Variants in APC observed in about 807,000 individuals in gnomAD.
APC encodes the protein APC regulator of Wnt signaling pathway, also known as adenomatous polyposis coli protein.
In APC, 72 loss-of-function variants were observed where a neutral mutation model predicts 247.0. The observed-to-expected ratio is 0.29, with a 90% confidence interval of 0.24 to 0.35. The LOEUF (loss-of-function observed/expected upper bound fraction) is 0.35, where lower values mean the gene tolerates loss of function less well. Among genes scored for constraint, APC ranks in the 10% least tolerant of loss-of-function variants. The pLI is 1.00. For synonymous variants in APC, 1,254 were observed against 1,162.5 expected, an observed-to-expected ratio of 1.08 and a Z score of -1.60; for missense variants, 3,400 against 3,360.7, an observed-to-expected ratio of 1.01 and a Z score of -0.29.
intron 1 of APC, among the ~76,000 whole-genome samples, chr5:112,740,327 G>C (rs1318402365): frequency 6.6e-6 from 1 of 152,026 alleles, no homozygotes; most frequent in Non-Finnish European, 1.5e-5. Flanking sequence ...AAGAAATAAA[G>C]AACTAAAGTT....
In APC at chr5:112,740,514, GT is replaced by G. The variant is rs753887168; in HGVS notation, c.-19+2598del. On this transcript the variant is annotated intron_variant, in intron 1 of 15. Coordinates refer to ENST00000257430, the MANE Select transcript of APC (RefSeq NM_000038.6). ...AGCTATTGAAGTTTTTGTTTTTTGT[GT>G]TTTTTTTTCTTTTTTTTTTTTTTTT... Among the ~76,000 whole-genome samples, 11 of 122,214 alleles carry G rather than the reference GT, an allele frequency of 9.0e-5. No individual in the cohort carries two copies. In the East Asian group the frequency reaches 1.2e-3, roughly 14 times the overall value. The allele number at this position is 122,214 out of a possible 152,430, so 80.2% of individuals were successfully genotyped here. A position where few individuals can be genotyped will look rare whatever the true frequency, so the allele number is the denominator to read the frequency against.
At chr5:112,817,846 AG>A (rs944999698) in intron 9 of APC, among the ~76,000 whole-genome samples, 5 of 152,316 alleles carry the variant, frequency 3.3e-5, no homozygotes, top group Admixed American at 2.6e-4. Context: ...ATAGTATCAC[AG>A]CTTGCTCCTA....
At chr5:112,721,710 G>A (rs951849879) in intron 1 of APC, among the ~76,000 whole-genome samples, 1 of 152,136 alleles carries the variant, frequency 6.6e-6, no homozygotes, top group African/African-American at 2.4e-5. Flanking sequence ...GTTTAAGAAA[G>A]GAGGAGAAAT....
chr5:112,824,855 A>C (rs1561550021), intron 11 of APC, among the ~76,000 whole-genome samples: 1 of 152,060 alleles, frequency 6.6e-6, no homozygotes, highest in East Asian at 1.9e-4. Context: ...AAAATGGTGG[A>C]ATTCCTTGAA....
intron 1 of APC, among the ~76,000 whole-genome samples, chr5:112,708,387 A>C (rs1399396478): frequency 6.6e-6 from 1 of 152,238 alleles, no homozygotes; most frequent in Non-Finnish European, 1.5e-5. Context: ...TGGTTAGGTC[A>C]GAGTCTGACT....
Position 112,839,751 on chromosome 5 carries a change from G to C in APC, c.4157G>C (p.Arg1386Thr), listed in dbSNP as rs2149907827. 6.2e-7 allele frequency: 1 copy of C among 1,614,158 alleles called. No individual in the cohort carries two copies. The highest frequency in any genetic ancestry group is 1.1e-5 in the South Asian group (1 of 91,076). ...YVQETPLMFS[R>T]CTSVSSLDSF... ...CAGGAGACCCCACTCATGTTTAGCA[G>C]ATGTACTTCTGTCAGTTCACTTGAT... The change falls in exon 16 of 16, where the codon AGA (arginine) becomes ACA (threonine). Residue 1386 changes from arginine to threonine, a missense_variant. By Grantham distance (71) the Arg-to-Thr change is moderately conservative. Transcript: ENST00000257430. This position sits in a 1 kb window ranked among gnomAD's most constrained non-coding sequence, Gnocchi z 5.0.
intron 1 of APC, among the ~76,000 whole-genome samples, chr5:112,722,373 A>G (rs948383570): frequency 4.6e-5 from 7 of 152,236 alleles, no homozygotes; most frequent in Non-Finnish European, 5.9e-5. Flanking sequence ...TCTGTGTCTC[A>G]TCTTGGGAAA....
In APC at chr5:112,792,469, A is replaced by C. The variant is rs769482880; in HGVS notation, c.669A>C (p.Gln223His). The C allele has an allele frequency of 2.9e-5, 47 of 1,610,936 alleles. No homozygotes were observed. Among genetic ancestry groups the C allele is most frequent in the Non-Finnish European group, 3.7e-5 (44 of 1,178,288 alleles). The change falls in exon 7 of 16, where the codon CAA (glutamine) becomes CAC (histidine). Residue 223 changes from glutamine to histidine, a missense_variant. Around this residue, in one of 9 missense-constraint regions of APC, gnomAD observed 372 missense variants for 367.6 expected, o/e 1.01. Transcript: ENST00000257430. ...AGCGAAGAATAGCCAGAATTCAGCA[A>C]ATCGAAAAGGACATACTTCGTATAC... ...RAQRRIARIQQIEKDILRIRQ... is the reference protein window; with the variant it reads ...RAQRRIARIQHIEKDILRIRQ...
intron 10 of APC, among the ~76,000 whole-genome samples, chr5:112,820,295 T>A (rs1762988239): frequency 6.6e-6 from 1 of 152,004 alleles, no homozygotes; most frequent in Non-Finnish European, 1.5e-5. Flanking sequence ...CTTATGAACC[T>A]ATAGCAGATT....
At chr5:112,805,867 C>T (rs1383226413) in intron 8 of APC, among the ~76,000 whole-genome samples, 1 of 152,190 alleles carries the variant, frequency 6.6e-6, no homozygotes, top group African/African-American at 2.4e-5. Flanking sequence ...ACCTGGTTTC[C>T]TGCCCACAAT....
At chr5:112,769,047 C>CT (rs1561467916) in intron 4 of APC, among the ~76,000 whole-genome samples, 16 of 106,180 alleles carry the variant, frequency 1.5e-4, no homozygotes, top group East Asian at 3.7e-4. Flanking sequence ...TCTTTTTTTT[C>CT]TTCTTTTTTT....
Position 112,719,467 on chromosome 5 carries a change from C to T in APC, c.165+11585C>T, listed in dbSNP as rs549761329. Among the ~76,000 whole-genome samples, 14 of 151,976 alleles carry T rather than the reference C, an allele frequency of 9.2e-5. No individual in the cohort carries two copies. The South Asian group carries it at 1.9e-3, about 20-fold the overall frequency. On this transcript the variant is annotated intron_variant, in intron 1 of 13. Transcript: ENST00000507379. Reference sequence around the variant, plus strand: ...GGAACTCCTGACCTCAAATGATCCACCCACCTTGGCCTCCCAGAGTGCTGG... The same window carrying T: ...GGAACTCCTGACCTCAAATGATCCATCCACCTTGGCCTCCCAGAGTGCTGG...
chr5:112,799,183 C>CA (rs754181440), intron 7 of APC, among the ~76,000 whole-genome samples: 39,826 of 79,564 alleles, frequency 0.5, 9,347 homozygotes, highest in East Asian at 0.72. Flanking sequence ...GACTCTGTCT[C>CA]AAAAAAAAAA....
At chr5:112,808,051 A>G (rs1443921848) in intron 8 of APC, among the ~76,000 whole-genome samples, 2 of 152,200 alleles carry the variant, frequency 1.3e-5, no homozygotes, top group Non-Finnish European at 2.9e-5. Flanking sequence ...GCTACTCGGG[A>G]AGCTGAGGCA....
chr5:112,709,462 C>T (rs1750722082), intron 1 of APC, among the ~76,000 whole-genome samples: 1 of 152,180 alleles, frequency 6.6e-6, no homozygotes, highest in Non-Finnish European at 1.5e-5. Flanking sequence ...GTTTTTAGAG[C>T]TGGTTGTCTC....
At chr5:112,794,860 T>TA (rs1193840759) in intron 7 of APC, among the ~76,000 whole-genome samples, 1 of 152,076 alleles carries the variant, frequency 6.6e-6, no homozygotes, top group Non-Finnish European at 1.5e-5. Flanking sequence ...GTGCTATACT[T>TA]AGGATTAACA....
chr5:112,787,013 A>G (rs1308661611), intron 6 of APC, among the ~76,000 whole-genome samples: 1 of 149,972 alleles, frequency 6.7e-6, no homozygotes, highest in Non-Finnish European at 1.5e-5. Context: ...TCAGGCTCCC[A>G]AGTAGCTGGA....
chr5:112,755,204 G>T (rs1452331077), intron 2 of APC, 179 bp downstream of exon 2: 1 of 462,074 alleles, frequency 2.2e-6, no homozygotes, highest in Non-Finnish European at 2.8e-6. Context: ...AATTCATTCA[G>T]TGAATCATAT....
intron 8 of APC, among the ~76,000 whole-genome samples, chr5:112,804,673 C>T (rs537791548): frequency 2.9e-4 from 44 of 152,282 alleles, no homozygotes; most frequent in Admixed American, 5.9e-4. Flanking sequence ...CCACTGCGCC[C>T]GGCCAATTAC....
Sources: allele counts gnomAD v4.1 joint callset (sites outside exome capture counted in the v4.1 genomes callset), GRCh38; gene constraint gnomAD v4.1.1; regional missense constraint gnomAD v4.1.1; non-coding constraint Gnocchi (gnomAD v3.1); transcripts MANE v1.5; gene names NCBI Gene and HGNC (gene_info 2026-07-23, HGNC 2026-07-21).